SYN2: variants seen among roughly 807,000 people sequenced by gnomAD.
The protein encoded by SYN2 is synapsin II, also known as synapsin-2.
SYN2 carries 19 observed loss-of-function variants against 50.9 expected under a neutral mutation model. The ratio of observed to expected loss-of-function variants is 0.37; its 90% CI spans 0.26 to 0.55. The LOEUF is 0.55. SYN2 is among the 20% of genes least tolerant of loss of function. The pLI is 0.81. For missense variants in SYN2, 587 were observed against 576.4 expected (o/e 1.02, Z -0.19); for synonymous variants, 255 against 224.9 (o/e 1.13, Z -1.20).
At chr3:12,063,483 A>G (rs972502331) in intron 1 of SYN2, among the ~76,000 whole-genome samples, 28 of 152,044 alleles carry the variant, frequency 1.8e-4, no homozygotes, top group Non-Finnish European at 1.0e-4. Flanking sequence ...AAATTGAACA[A>G]TTAAGTAAAT....
rs148898275 is a variant in SYN2 at position 12,110,096 on chromosome 3, A to G, written c.378-30555A>G. On this transcript the variant is annotated intron_variant, in intron 1 of 12. Transcript: ENST00000621198. The stretch of plus-strand genomic sequence containing the variant: ...CCCAGCTACTGGGGAGGCTGAGACA[A>G]GAGGGTTGCTTGAGCCCAGGGTTCA... Among the ~76,000 whole-genome samples, 310 of 152,244 alleles carry G rather than the reference A, an allele frequency of 2.0e-3. 2 individuals carry two copies. The highest frequency in any genetic ancestry group is 6.8e-3 in the African/African-American group (282 of 41,552).
intron 1 of SYN2, among the ~76,000 whole-genome samples, chr3:12,118,140 A>T (rs747591902): frequency 2.0e-5 from 3 of 152,242 alleles, no homozygotes; most frequent in Non-Finnish European, 4.4e-5. Context: ...TCATGAGCAA[A>T]TGTACCTCTT....
chr3:12,184,868 C>T (rs918635812), intron 11 of SYN2: 13 of 985,580 alleles, frequency 1.3e-5, no homozygotes, highest in Non-Finnish European at 1.6e-5. Flanking sequence ...AAGTTCATGC[C>T]AGCAGCTTGC....
intron 1 of SYN2, among the ~76,000 whole-genome samples, chr3:12,081,911 C>T (rs1448457563): frequency 6.6e-6 from 1 of 152,080 alleles, no homozygotes; most frequent in Non-Finnish European, 1.5e-5. Flanking sequence ...ATTGGTTTGT[C>T]ATTAACTTTA....
At chr3:12,054,025 G>T (rs1281652280) in intron 1 of SYN2, among the ~76,000 whole-genome samples, 1 of 152,110 alleles carries the variant, frequency 6.6e-6, no homozygotes, top group South Asian at 2.1e-4. Context: ...GATAGTAGGG[G>T]GAGTGAGGCA....
chr3:12,087,805 A>C (rs116359304), intron 1 of SYN2, among the ~76,000 whole-genome samples: 1 of 152,136 alleles, frequency 6.6e-6, no homozygotes, highest in Non-Finnish European at 1.5e-5. Context: ...ATTTTCAACA[A>C]AGGTGCTAAG....
At chr3:12,082,143 A>G (rs1197799917) in intron 1 of SYN2, among the ~76,000 whole-genome samples, 1 of 152,216 alleles carries the variant, frequency 6.6e-6, no homozygotes, top group Non-Finnish European at 1.5e-5. Flanking sequence ...GGCAAAGTCT[A>G]GAGGAAATCA....
At chr3:12,027,319 G>C (rs1033951092) in intron 1 of SYN2, among the ~76,000 whole-genome samples, 1 of 152,158 alleles carries the variant, frequency 6.6e-6, no homozygotes, top group East Asian at 1.9e-4. Flanking sequence ...CCATCTCCCT[G>C]CCTAGAGAGC....
chr3:12,006,875 A>C (rs539083943), intron 1 of SYN2, among the ~76,000 whole-genome samples: 4 of 152,374 alleles, frequency 2.6e-5, no homozygotes, highest in Admixed American at 6.5e-5. Context: ...TTCACAAAAG[A>C]TGAATCTTGA....
intron 1 of SYN2, among the ~76,000 whole-genome samples, chr3:12,133,208 A>G (rs1205085121): frequency 1.3e-5 from 2 of 152,218 alleles, no homozygotes; most frequent in Non-Finnish European, 2.9e-5. Flanking sequence ...TAACAATTTA[A>G]TCAGTGAATT....
chr3:12,071,394 T>G (rs942278842), intron 1 of SYN2: 9 of 549,074 alleles, frequency 1.6e-5, no homozygotes, highest in Middle Eastern at 5.8e-4. Context: ...TAGCATTTGC[T>G]GCATGGGTTA....
In SYN2 at chr3:12,096,541, A is replaced by G. The variant is rs1695938647; in HGVS notation, c.378-44110A>G. Among the ~76,000 whole-genome samples the G allele has an allele frequency of 2.0e-5, 3 of 152,172 alleles. No individual in the cohort carries two copies. The South Asian group carries it at 6.2e-4, about 32-fold the overall frequency. On this transcript the variant is annotated intron_variant, in intron 1 of 12. Coordinates refer to ENST00000621198, the MANE Select transcript of SYN2 (RefSeq NM_133625.6). The stretch of plus-strand genomic sequence containing the variant: ...TGTTAGTTATAAGACTTTTGCTACT[A>G]GATTATATTATAAAATTCATTTGTG...
At chr3:12,063,298 G>A (rs1420647609) in intron 1 of SYN2, among the ~76,000 whole-genome samples, 1 of 151,984 alleles carries the variant, frequency 6.6e-6, no homozygotes, top group Non-Finnish European at 1.5e-5. Context: ...TTACAAATGT[G>A]TAAAATAACT....
chr3:12,125,853 A>G (rs1279529033), intron 1 of SYN2, among the ~76,000 whole-genome samples: 1 of 151,738 alleles, frequency 6.6e-6, no homozygotes, highest in Admixed American at 6.6e-5. Flanking sequence ...AAAAAAAAAA[A>G]AAAACCCACA....
Position 12,162,083 on chromosome 3 carries a change from T to G in SYN2, c.909T>G (p.Thr303=). 1 of 1,614,124 alleles carries G rather than the reference T, an allele frequency of 6.2e-7. No homozygotes were observed. Among genetic ancestry groups the G allele is most frequent in the Non-Finnish European group, 8.5e-7 (1 of 1,179,984 alleles). ...SVVALTQTYA[T]AEPFIDSKYD... The stretch of plus-strand genomic sequence containing the variant: ...TGGCTCTCACCCAGACCTATGCCAC[T>G]GCAGAGCCTTTCATTGACTCCAAGT... The change falls in exon 7 of 13, where the codon ACT becomes ACG. Residue 303 remains threonine (T), a synonymous_variant. Coordinates refer to ENST00000621198, the MANE Select transcript of SYN2 (RefSeq NM_133625.6).
chr3:12,136,733 G>A (rs1696902345), intron 1 of SYN2, among the ~76,000 whole-genome samples: 1 of 152,100 alleles, frequency 6.6e-6, no homozygotes, highest in South Asian at 2.1e-4. Flanking sequence ...AGGGGAGATG[G>A]TTCATTACCT....
At chr3:12,026,949 TG>T (rs1694273767) in intron 1 of SYN2, among the ~76,000 whole-genome samples, 2 of 152,242 alleles carry the variant, frequency 1.3e-5, no homozygotes, top group Admixed American at 1.3e-4. Flanking sequence ...CTTGGTGACT[TG>T]GGGTTTACAC....
At chr3:12,114,415 T>C (rs1230583965) in intron 1 of SYN2, among the ~76,000 whole-genome samples, 1 of 152,212 alleles carries the variant, frequency 6.6e-6, no homozygotes, top group Non-Finnish European at 1.5e-5. Flanking sequence ...TTCTTGGTAG[T>C]GTCCCTTGAT....
intron 1 of SYN2, among the ~76,000 whole-genome samples, chr3:12,086,744 C>T (rs1695709732): frequency 6.6e-6 from 1 of 152,108 alleles, no homozygotes; most frequent in Admixed American, 6.5e-5. Flanking sequence ...ATATGACAAG[C>T]CCACAGCTGA....
Sources: gnomAD v4.1 joint callset for allele counts (sites outside exome capture counted in the v4.1 genomes callset) on GRCh38, gnomAD v4.1.1 for gene constraint, MANE v1.5 for transcripts, NCBI Gene and HGNC (gene_info 2026-07-23, HGNC 2026-07-21) for gene names.